TBCK: variants seen among roughly 807,000 people sequenced by gnomAD.
TBCK encodes TBC1 domain containing kinase, also known as TBC domain-containing protein kinase-like protein.
TBCK carries 99 observed loss-of-function variants against 113.4 expected under a neutral mutation model. The ratio of observed to expected loss-of-function variants is 0.87; its 90% CI spans 0.74 to 1.03. TBCK has a LOEUF of 1.03. TBCK is among the 50% of genes least tolerant of loss of function. The pLI is 0.00. For missense variants in TBCK, 1,045 were observed against 1,061.3 expected, an observed-to-expected ratio of 0.98 and a Z score of 0.21; for synonymous variants, 369 against 370.8, an observed-to-expected ratio of 1.00 and a Z score of 0.05.
chr4:106,193,788 T>A lies in TBCK; in HGVS notation c.1898-18A>T. Reference sequence around the variant, plus strand: ...AAATACATCTGTAAAACGATAAAAATACAAATAAATTAAAAAACCAAAATA... The same window carrying A: ...AAATACATCTGTAAAACGATAAAAAAACAAATAAATTAAAAAACCAAAATA... On this transcript the variant is annotated intron_variant, in intron 21 of 25. Coordinates refer to ENST00000394708, the MANE Select transcript of TBCK (RefSeq NM_001163435.3). 6.7e-7 allele frequency: 1 copy of A among 1,482,378 alleles called. No individual in the cohort carries two copies. Among genetic ancestry groups the A allele is most frequent in the Non-Finnish European group, 9.0e-7 (1 of 1,111,758 alleles). 91.8% of individuals were successfully genotyped at this position (1,482,378 alleles called of 1,614,324 possible).
chr4:106,244,594 TTTA>T, intron 11 of TBCK, 29 bp downstream of exon 11: 6 of 1,496,938 alleles, frequency 4.0e-6, no homozygotes, highest in Non-Finnish European at 4.5e-6. Flanking sequence ...TATTTATTTA[TTTA>T]AATTCCCAAG....
chr4:106,226,072 A>G (rs1213053304), intron 19 of TBCK, among the ~76,000 whole-genome samples: 1 of 151,982 alleles, frequency 6.6e-6, no homozygotes, highest in Non-Finnish European at 1.5e-5. Flanking sequence ...GCTGAGGTGG[A>G]AGGGTGGCTT....
At chr4:106,244,867 G>C (rs975099536) in intron 10 of TBCK, 103 bp from the exon 11 acceptor site, 1 of 705,044 alleles carries the variant, frequency 1.4e-6, no homozygotes, top group Non-Finnish European at 2.2e-6. Flanking sequence ...AAACTCTGAA[G>C]AACAGACTTC....
intron 3 of TBCK, among the ~76,000 whole-genome samples, chr4:106,290,047 T>C (rs1579526216): frequency 6.6e-6 from 1 of 152,196 alleles, no homozygotes; most frequent in East Asian, 1.9e-4. Context: ...AACTAAAATA[T>C]TTTTTCTTAC....
intron 22 of TBCK, among the ~76,000 whole-genome samples, chr4:106,180,559 A>G (rs148750500): frequency 0.018 from 2,758 of 151,724 alleles, 76 homozygotes; most frequent in African/African-American, 0.061. Flanking sequence ...ACAGGCCCCA[A>G]TGTGTGATGT....
intron 24 of TBCK, among the ~76,000 whole-genome samples, chr4:106,096,581 C>T (rs545306935): frequency 6.6e-6 from 1 of 152,252 alleles, no homozygotes; most frequent in East Asian, 1.9e-4. Context: ...TGCCCACCTG[C>T]TGTTTTCTTG....
At position 106,173,462 on chromosome 4, in the gene TBCK, T is replaced by C. The variant is rs1751272393; in HGVS notation, c.2060-2192A>G. Among the ~76,000 whole-genome samples, 3 of 152,282 alleles carry C rather than the reference T, an allele frequency of 2.0e-5. No homozygotes were observed. In the South Asian group the frequency reaches 6.2e-4, roughly 32 times the overall value. The stretch of plus-strand genomic sequence containing the variant: ...AAAGGAAAGGGTTTCAGTCCATAGA[T>C]TTTGTATTTGCAGGGCTCAAATCAA... On this transcript the variant is annotated intron_variant, in intron 22 of 25. Transcript: ENST00000394708.
chr4:106,218,361 T>A (rs1263027759), intron 19 of TBCK, among the ~76,000 whole-genome samples: 1 of 148,908 alleles, frequency 6.7e-6, no homozygotes, highest in Non-Finnish European at 1.5e-5. Context: ...AAGACAAAAT[T>A]GACAAATGGG....
intron 23 of TBCK, among the ~76,000 whole-genome samples, chr4:106,162,516 A>C (rs1749911727): frequency 6.6e-6 from 1 of 152,148 alleles, no homozygotes. Flanking sequence ...CTGCCTTAGC[A>C]GAGGTTCTCT....
Position 106,262,099 on chromosome 4 carries a change from T to A in TBCK, c.380A>T (p.Lys127Met). 1 of 1,507,760 alleles carries A rather than the reference T, an allele frequency of 6.6e-7. No individual in the cohort carries two copies. 93.4% of individuals were successfully genotyped at this position (1,507,760 alleles called of 1,614,324 possible). A position where few individuals can be genotyped will look rare whatever the true frequency, so the allele number is the denominator to read the frequency against. The change falls in exon 4 of 26, where the codon AAG (lysine) becomes ATG (methionine). Residue 127 changes from lysine to methionine, a missense_variant and splice_region_variant. Physicochemically the swap from Lys to Met is moderately conservative, Grantham distance 95 (BLOSUM62 -1). Coordinates refer to ENST00000394708, the MANE Select transcript of TBCK (RefSeq NM_001163435.3). ...LSPHNILLDR[K>M]GHIKLAKFGL... ...TTTATTACATGATTTAACAATTACC[T>A]TTCGGTCCAACAGGATATTATGAGG...
At chr4:106,235,088 T>C (rs1759298041) in intron 15 of TBCK, among the ~76,000 whole-genome samples, 181 bp downstream of exon 15, 1 of 152,150 alleles carries the variant, frequency 6.6e-6, no homozygotes, top group Admixed American at 6.6e-5. Context: ...CCCTCCATTA[T>C]ATTTTTCTAT....
chr4:106,171,389 G>A, intron 22 of TBCK, 119 bp from the exon 23 acceptor site: 2 of 693,662 alleles, frequency 2.9e-6, no homozygotes, highest in Non-Finnish European at 4.6e-6. Context: ...TAAGTTATTA[G>A]AAAAAATGTC....
At chr4:106,059,769 A>T (rs187605952) in intron 25 of TBCK, among the ~76,000 whole-genome samples, 1 of 151,874 alleles carries the variant, frequency 6.6e-6, no homozygotes, top group Non-Finnish European at 1.5e-5. Context: ...TTAGTGAGGA[A>T]GGCATGTTGA....
intron 15 of TBCK, among the ~76,000 whole-genome samples, chr4:106,234,869 G>A (rs1398399975): frequency 6.6e-6 from 1 of 152,022 alleles, no homozygotes; most frequent in Non-Finnish European, 1.5e-5. Context: ...AATTATGTTA[G>A]TGATTTTGAC....
At chr4:106,109,428 C>T (rs1365855101) in intron 24 of TBCK, among the ~76,000 whole-genome samples, 1 of 152,080 alleles carries the variant, frequency 6.6e-6, no homozygotes, top group Non-Finnish European at 1.5e-5. Flanking sequence ...GAAACAGGCA[C>T]ATAGACTAAT....
intron 19 of TBCK, among the ~76,000 whole-genome samples, chr4:106,214,208 A>T (rs572507263): frequency 1.9e-3 from 289 of 152,208 alleles, no homozygotes; most frequent in African/African-American, 6.4e-3. Flanking sequence ...CACACCAAAA[A>T]CCCATCTGTA....
chr4:106,185,918 T>C (rs1359969730), intron 22 of TBCK, among the ~76,000 whole-genome samples: 2 of 152,144 alleles, frequency 1.3e-5, no homozygotes, highest in Non-Finnish European at 2.9e-5. Context: ...GTGTCTATTG[T>C]TCTCTTCGTT....
intron 1 of TBCK, among the ~76,000 whole-genome samples, chr4:106,311,859 G>A (rs1361672516): frequency 6.6e-6 from 1 of 152,000 alleles, no homozygotes; most frequent in Non-Finnish European, 1.5e-5. Flanking sequence ...AAATGGTGCT[G>A]GAAAAAGATA....
intron 22 of TBCK, among the ~76,000 whole-genome samples, chr4:106,176,063 TATTA>T (rs1201431010): frequency 2.6e-5 from 4 of 152,252 alleles, no homozygotes; most frequent in Non-Finnish European, 2.9e-5. Flanking sequence ...ATAGTTTATG[TATTA>T]ATTAAATATG....
Sources: allele counts gnomAD v4.1 joint callset (sites outside exome capture counted in the v4.1 genomes callset), GRCh38; gene constraint gnomAD v4.1.1; transcripts MANE v1.5; gene names NCBI Gene and HGNC (gene_info 2026-07-23, HGNC 2026-07-21).